Variants in DCC observed in about 807,000 individuals in gnomAD.
DCC encodes netrin receptor DCC.
DCC carries 58 observed loss-of-function variants against 172.5 expected under a neutral mutation model. That is an observed-to-expected ratio of 0.34 (90% CI 0.27 to 0.42). The LOEUF (loss-of-function observed/expected upper bound fraction) is 0.42, where lower values mean the gene tolerates loss of function less well. Among genes scored for constraint, DCC ranks in the 10% least tolerant of loss-of-function variants. DCC has a pLI of 1.00. For synonymous variants in DCC, 709 were observed against 644.5 expected, an observed-to-expected ratio of 1.10 and a Z score of -1.52; for missense variants, 1,740 against 1,791.0, an observed-to-expected ratio of 0.97 and a Z score of 0.51.
chr18:52,721,009 G>A (rs2036466007), intron 1 of DCC, among the ~76,000 whole-genome samples: 1 of 152,204 alleles, frequency 6.6e-6, no homozygotes, highest in South Asian at 2.1e-4. Flanking sequence ...TTACGTGCGT[G>A]TGTACCATTC....
At chr18:52,604,136 G>A (rs1374408042) in intron 1 of DCC, among the ~76,000 whole-genome samples, 4 of 151,934 alleles carry the variant, frequency 2.6e-5, no homozygotes, top group Admixed American at 6.6e-5. Context: ...TTATTCGAAT[G>A]TGTTTTCTTT....
At chr18:52,909,919 G>A (rs928174476) in intron 3 of DCC, among the ~76,000 whole-genome samples, 8 of 152,112 alleles carry the variant, frequency 5.3e-5, no homozygotes, top group African/African-American at 1.9e-4. Context: ...GCTAGGCAAA[G>A]AGAAGTATAC....
intron 8 of DCC, among the ~76,000 whole-genome samples, chr18:53,177,340 G>T (rs1382056534): frequency 6.6e-5 from 10 of 151,860 alleles, no homozygotes; most frequent in Non-Finnish European, 1.2e-4. Context: ...TAAAAAAAAA[G>T]AAAAAAATTA....
chr18:52,589,538 T>C (rs1468433731), intron 1 of DCC, among the ~76,000 whole-genome samples: 9 of 152,218 alleles, frequency 5.9e-5, no homozygotes. Context: ...TTCTTGTCAA[T>C]CTGCAAAGCA....
intron 3 of DCC, among the ~76,000 whole-genome samples, chr18:52,909,811 G>A (rs2039943337): frequency 6.6e-6 from 1 of 152,102 alleles, no homozygotes; most frequent in Non-Finnish European, 1.5e-5. Flanking sequence ...AAAGCTTATA[G>A]TCCAATGGGA....
At chr18:53,074,217 C>A (rs2042693522) in intron 7 of DCC, among the ~76,000 whole-genome samples, 1 of 151,862 alleles carries the variant, frequency 6.6e-6, no homozygotes. Context: ...TCAAATTGTC[C>A]CTGGAGTTCT....
At chr18:52,682,675 C>T (rs1012805640) in intron 1 of DCC, among the ~76,000 whole-genome samples, 1 of 151,930 alleles carries the variant, frequency 6.6e-6, no homozygotes, top group African/African-American at 2.4e-5. Flanking sequence ...ATAATTAACA[C>T]GAAGCAGACA....
intron 12 of DCC, among the ~76,000 whole-genome samples, chr18:53,250,450 C>G (rs1259356036): frequency 6.6e-6 from 1 of 151,848 alleles, no homozygotes; most frequent in African/African-American, 2.4e-5. Flanking sequence ...TCAGCTGTCT[C>G]TAAGGAATCT....
intron 5 of DCC, among the ~76,000 whole-genome samples, chr18:53,054,526 C>T (rs1314829717): frequency 6.6e-6 from 1 of 151,996 alleles, no homozygotes; most frequent in Non-Finnish European, 1.5e-5. Context: ...AGAGATAATC[C>T]TCCCATTATT....
intron 2 of DCC, among the ~76,000 whole-genome samples, chr18:52,874,380 G>A (rs377051305): frequency 1.3e-5 from 2 of 151,982 alleles, no homozygotes; most frequent in East Asian, 1.9e-4. Context: ...GCTGTCATAC[G>A]GACTTCTTTA....
intron 1 of DCC, among the ~76,000 whole-genome samples, chr18:52,402,268 G>A (rs1366851488): frequency 6.6e-6 from 1 of 151,944 alleles, no homozygotes; most frequent in Non-Finnish European, 1.5e-5. Flanking sequence ...CGATTTAAAT[G>A]GATTTAAAAC....
chr18:53,277,423 C>A (rs4371225), intron 12 of DCC, among the ~76,000 whole-genome samples: 6 of 152,286 alleles, frequency 3.9e-5, no homozygotes, highest in African/African-American at 1.4e-4. Flanking sequence ...CAAGCACAAC[C>A]TGAGGATTCC....
intron 9 of DCC, among the ~76,000 whole-genome samples, chr18:53,202,834 G>T (rs756156175): frequency 7.9e-5 from 12 of 152,138 alleles, no homozygotes; most frequent in Non-Finnish European, 1.6e-4. Flanking sequence ...ATGAGACAGA[G>T]ACACATTCAA....
intron 12 of DCC, among the ~76,000 whole-genome samples, chr18:53,267,251 A>G (rs1395179917): frequency 6.6e-6 from 1 of 151,952 alleles, no homozygotes; most frequent in Non-Finnish European, 1.5e-5. Context: ...CAGTGGTACA[A>G]TCTCAGCTTA....
chr18:53,516,092 C>T (rs1415761985), intron 27 of DCC, among the ~76,000 whole-genome samples: 2 of 145,978 alleles, frequency 1.4e-5, no homozygotes, highest in Non-Finnish European at 2.9e-5. Flanking sequence ...GTACTGGTAC[C>T]AAAACAGAGA....
chr18:53,525,901 G>A (rs1015330051), intron 27 of DCC, among the ~76,000 whole-genome samples: 2 of 152,034 alleles, frequency 1.3e-5, no homozygotes, highest in Admixed American at 1.3e-4. Context: ...ATAAGGTCAA[G>A]GTTGTATTAG....
At chr18:53,001,841 T>C (rs1008865709) in intron 5 of DCC, among the ~76,000 whole-genome samples, 4 of 152,138 alleles carry the variant, frequency 2.6e-5, no homozygotes, top group African/African-American at 9.7e-5. Flanking sequence ...GGTCACCTAA[T>C]GCAAATGTTT....
chr18:53,048,103 GTCTC>G (rs1364748177), intron 5 of DCC, among the ~76,000 whole-genome samples: 1 of 151,856 alleles, frequency 6.6e-6, no homozygotes, highest in Non-Finnish European at 1.5e-5. Context: ...AGAATACTGA[GTCTC>G]TATTTGTTGA....
chr18:53,199,482 T>A (rs996166482), intron 9 of DCC, among the ~76,000 whole-genome samples: 1 of 152,160 alleles, frequency 6.6e-6, no homozygotes, highest in Non-Finnish European at 1.5e-5. Context: ...AGTATGTAAA[T>A]TATACTAAAA....
Sources: gnomAD v4.1 joint callset for allele counts (sites outside exome capture counted in the v4.1 genomes callset) on GRCh38, gnomAD v4.1.1 for gene constraint, MANE v1.5 for transcripts, NCBI Gene and HGNC (gene_info 2026-07-23, HGNC 2026-07-21) for gene names.